The following TSPAN18 variants were observed in gnomAD, a reference collection of about 807,000 sequenced individuals.
The protein encoded by TSPAN18 is tetraspanin-18.
TSPAN18 carries 14 observed loss-of-function variants against 27.3 expected under a neutral mutation model. The ratio of observed to expected loss-of-function variants is 0.51; its 90% CI spans 0.34 to 0.80. The LOEUF (loss-of-function observed/expected upper bound fraction) is 0.80, where lower values mean the gene tolerates loss of function less well. Among genes scored for constraint, TSPAN18 ranks in the 30% least tolerant of loss-of-function variants. The pLI is 0.01. For synonymous variants in TSPAN18, 143 were observed against 136.5 expected (o/e 1.05, Z -0.33); for missense variants, 268 against 323.9 (o/e 0.83, Z 1.32).
rs569486661 is a variant in TSPAN18 at position 44,847,734 on chromosome 11, G to A, written c.-152-12594G>A. 1.2e-4 allele frequency among the ~76,000 whole-genome samples: 19 copies of A among 152,292 alleles called. No homozygotes were observed. The East Asian group carries it at 3.3e-3, about 26-fold the overall frequency. ...CTTTGAACTTCTACACCTGCAGAAT[G>A]GAGATAATAACAATAGCTGTCTCAT... On this transcript the variant is annotated intron_variant, in intron 2 of 9. Transcript: ENST00000520358.
At chr11:44,867,969 G>A (rs1858085628) in intron 3 of TSPAN18, among the ~76,000 whole-genome samples, 1 of 152,238 alleles carries the variant, frequency 6.6e-6, no homozygotes, top group Non-Finnish European at 1.5e-5. Flanking sequence ...GAGGACAGGT[G>A]ATGCCCTGAG....
chr11:44,886,878 C>T (rs748052068), intron 3 of TSPAN18, among the ~76,000 whole-genome samples: 2 of 152,120 alleles, frequency 1.3e-5, no homozygotes, highest in African/African-American at 4.8e-5. Context: ...TGTGTGTGAT[C>T]TGCATCCACA....
intron 8 of TSPAN18, among the ~76,000 whole-genome samples, chr11:44,924,743 G>A (rs893113375): frequency 6.8e-6 from 1 of 147,700 alleles, no homozygotes; most frequent in Non-Finnish European, 1.5e-5. Flanking sequence ...CTTCAAAATC[G>A]CTTCACATGG....
rs745604790 is a variant in TSPAN18 at position 44,919,981 on chromosome 11, C to T, written c.597C>T (p.Ser199=). 2 of 1,613,540 alleles carry T rather than the reference C, an allele frequency of 1.2e-6. No homozygotes were observed. The highest frequency in any genetic ancestry group is 1.7e-5 in the Admixed American group (1 of 59,950). The part of the protein sequence containing the change: ...LSREECLLGR[S]LFLNKQGCYT... The stretch of plus-strand genomic sequence containing the variant: ...GGGAGGAGTGCCTCCTGGGAAGGAG[C>T]CTATTCCTAAACAAGCAGGTACTGG... Residue 199 remains serine (S), a synonymous_variant, in exon 8 of 10, where the codon AGC becomes AGT. Coordinates refer to ENST00000520358, the MANE Select transcript of TSPAN18 (RefSeq NM_130783.5).
intron 1 of TSPAN18, among the ~76,000 whole-genome samples, chr11:44,763,136 A>G (rs1855491470): frequency 6.6e-6 from 1 of 152,198 alleles, no homozygotes; most frequent in African/African-American, 2.4e-5. Context: ...AAGGGGCATC[A>G]GGTTGATCAT....
rs549245239 is a variant in TSPAN18 at position 44,914,092 on chromosome 11, G to A, written c.259-3880G>A. Among the ~76,000 whole-genome samples the A allele has an allele frequency of 3.3e-5, 5 of 152,290 alleles. No individual in the cohort carries two copies. The East Asian group carries it at 5.8e-4, about 18-fold the overall frequency. On this transcript the variant is annotated intron_variant, in intron 5 of 9. Transcript: ENST00000520358. The stretch of plus-strand genomic sequence containing the variant: ...GGGAGGCCCACTTCCTCCAGTCCAC[G>A]GCTTCCCAGGTTTATTCTTATATCT...
chr11:44,921,397 A>G (rs1038034272), intron 8 of TSPAN18, among the ~76,000 whole-genome samples: 23 of 151,560 alleles, frequency 1.5e-4, no homozygotes, highest in African/African-American at 5.3e-4. Flanking sequence ...ATTCACCCCT[A>G]CTCTCTTGGG....
intron 2 of TSPAN18, among the ~76,000 whole-genome samples, chr11:44,847,703 G>T (rs1001905227): frequency 1.3e-5 from 2 of 152,166 alleles, no homozygotes; most frequent in African/African-American, 4.8e-5. Context: ...TGAGAACAGA[G>T]TATCACTTTG....
chr11:44,920,006 G>T lies in TSPAN18; in HGVS notation c.615+7G>T, dbSNP rs746771482. ...CCTATTCCTAAACAAGCAGGTACTGGCCCTGCTCTCCAGACAGGGGAGTGG... is the reference window on the plus strand; with the variant it reads ...CCTATTCCTAAACAAGCAGGTACTGTCCCTGCTCTCCAGACAGGGGAGTGG... On this transcript the variant is annotated splice_region_variant and intron_variant, in intron 8 of 9. Transcript: ENST00000520358. 6.2e-7 allele frequency: 1 copy of T among 1,610,644 alleles called. No homozygotes were observed. The highest frequency in any genetic ancestry group is 8.5e-7 in the Non-Finnish European group (1 of 1,178,152).
chr11:44,804,103 CTT>C (rs61368907), intron 2 of TSPAN18, among the ~76,000 whole-genome samples: 2 of 149,908 alleles, frequency 1.3e-5, no homozygotes, highest in East Asian at 2.0e-4. Flanking sequence ...TCTTTTTTTT[CTT>C]TTTTTTTTCC....
chr11:44,787,125 A>G (rs766299135), intron 2 of TSPAN18, among the ~76,000 whole-genome samples: 19 of 152,182 alleles, frequency 1.2e-4, no homozygotes, highest in Non-Finnish European at 2.5e-4. Flanking sequence ...AATCTATGCA[A>G]ATTGTTTGGG....
intron 2 of TSPAN18, among the ~76,000 whole-genome samples, chr11:44,777,830 A>C (rs1162489115): frequency 6.6e-6 from 1 of 152,026 alleles, no homozygotes; most frequent in African/African-American, 2.4e-5. Context: ...AATTTAATTT[A>C]CCATGCAGTT....
At chr11:44,822,930 C>T (rs1856957031) in intron 2 of TSPAN18, among the ~76,000 whole-genome samples, 1 of 152,198 alleles carries the variant, frequency 6.6e-6, no homozygotes, top group Non-Finnish European at 1.5e-5. Flanking sequence ...CTCCCACCAG[C>T]TGTGTAACAT....
At chr11:44,795,917 G>T (rs1856339274) in intron 2 of TSPAN18, among the ~76,000 whole-genome samples, 1 of 152,094 alleles carries the variant, frequency 6.6e-6, no homozygotes, top group African/African-American at 2.4e-5. Context: ...TAAATGTGGA[G>T]CTGTAGCCTG....
chr11:44,840,972 C>T (rs1210376499), intron 2 of TSPAN18, among the ~76,000 whole-genome samples: 2 of 152,204 alleles, frequency 1.3e-5, no homozygotes, highest in African/African-American at 4.8e-5. Context: ...CTGGTATCAT[C>T]ACAGTACCTG....
chr11:44,729,375 C>T (rs576636424), intron 1 of TSPAN18, among the ~76,000 whole-genome samples: 69 of 152,172 alleles, frequency 4.5e-4, no homozygotes, highest in Non-Finnish European at 9.4e-4. Flanking sequence ...CCTAGAAGGC[C>T]AGCGTTTCCC....
At chr11:44,785,472 T>A (rs941328459) in intron 2 of TSPAN18, among the ~76,000 whole-genome samples, 3 of 142,838 alleles carry the variant, frequency 2.1e-5, no homozygotes, top group Non-Finnish European at 2.9e-5. Context: ...AATAGAGGTG[T>A]TTTTCCCCCC....
intron 2 of TSPAN18, among the ~76,000 whole-genome samples, chr11:44,808,167 T>C (rs1453994910): frequency 2.0e-5 from 3 of 152,174 alleles, no homozygotes; most frequent in Non-Finnish European, 4.4e-5. Flanking sequence ...CTGCAACAAC[T>C]TCCCCCAGGA....
At chr11:44,908,169 G>C (rs1859527853) in intron 4 of TSPAN18, among the ~76,000 whole-genome samples, 1 of 151,880 alleles carries the variant, frequency 6.6e-6, no homozygotes, top group Middle Eastern at 3.2e-3. Flanking sequence ...GGTCCTTCAG[G>C]CCTCTCCACT....
Sources: gnomAD v4.1 joint callset for allele counts (sites outside exome capture counted in the v4.1 genomes callset) on GRCh38, gnomAD v4.1.1 for gene constraint, MANE v1.5 for transcripts, NCBI Gene and HGNC (gene_info 2026-07-23, HGNC 2026-07-21) for gene names.